The following MYO15A variants were observed in gnomAD, a reference collection of about 807,000 sequenced individuals.
The protein encoded by MYO15A is unconventional myosin-XV.
In MYO15A, 308 loss-of-function variants were observed where a neutral mutation model predicts 394.6. The observed-to-expected ratio is 0.78, with a 90% CI of 0.71 to 0.86. The LOEUF is 0.86. Among genes scored for constraint, MYO15A ranks in the 40% least tolerant of loss-of-function variants. The pLI is 0.00. For synonymous variants in MYO15A, 1,957 were observed against 2,003.8 expected (o/e 0.98, Z 0.62); for missense variants, 4,606 against 4,799.1 (o/e 0.96, Z 1.19).
rs534686571 is a variant in MYO15A at position 18,162,202 on chromosome 17, C to A, written c.9518-383C>A. Reference sequence around the variant, plus strand: ...ACTGGGAGGCCTGGGTGAGGGAGGGCAGCTGGCAGGGTATCCCAGCTGGCA... The same window carrying A: ...ACTGGGAGGCCTGGGTGAGGGAGGGAAGCTGGCAGGGTATCCCAGCTGGCA... On this transcript the variant is annotated intron_variant, in intron 57 of 65. Transcript: ENST00000647165. Among the ~76,000 whole-genome samples, 4 of 152,222 alleles carry A rather than the reference C, an allele frequency of 2.6e-5. No homozygotes were observed. The East Asian group carries it at 7.7e-4, about 29-fold the overall frequency.
At chr17:18,164,647 C>G (rs1567662516) in intron 60 of MYO15A, 1 of 151,912 alleles carries the variant, frequency 6.6e-6, no homozygotes, top group African/African-American at 2.4e-5. Flanking sequence ...TCAGGGCAGC[C>G]TGGCCAACAT....
intron 18 of MYO15A, chr17:18,139,170 G>A: frequency 1.5e-6 from 1 of 650,052 alleles, no homozygotes; most frequent in Non-Finnish European, 2.8e-6. Flanking sequence ...GAAAAATGTA[G>A]GGTGGGTTTG....
In MYO15A at chr17:18,132,084, G is replaced by A. The variant is rs754009958; in HGVS notation, c.4207-369G>A. 6.6e-6 allele frequency among the ~76,000 whole-genome samples: 1 copy of A among 152,154 alleles called. No homozygotes were observed. Among genetic ancestry groups the A allele is most frequent in the Non-Finnish European group, 1.5e-5 (1 of 68,032 alleles). On this transcript the variant is annotated intron_variant, in intron 10 of 65. Transcript: ENST00000647165. The surrounding 1 kb of genome is among the most constrained non-coding windows in gnomAD (Gnocchi z 4.6). ...GTCCCAAGGGCCTAGGACAGGGCTT[G>A]GTGCACAGGAAGTGCTCAGCCATCA... is the stretch of plus-strand genomic sequence containing the variant.
Position 18,140,826 on chromosome 17 carries a change from C to T in MYO15A, c.5400C>T (p.His1800=), listed in dbSNP as rs1398842864. Residue 1800 remains histidine (H), a synonymous_variant, in exon 21 of 66, where the codon CAC becomes CAT. Transcript: ENST00000647165. ...PLFMRCLKPN[H]KKEPGLFEPD... ...TCATGCGTTGCCTGAAGCCCAACCA[C>T]AAGAAGGTGAGTGAGAGCTGAGGCC... The T allele has an allele frequency of 6.2e-7, 1 of 1,614,152 alleles. No homozygotes were observed. Among genetic ancestry groups the T allele is most frequent in the Non-Finnish European group, 8.5e-7 (1 of 1,180,046 alleles).
intron 65 of MYO15A, among the ~76,000 whole-genome samples, chr17:18,174,678 C>A (rs1220922733): frequency 2.0e-5 from 3 of 152,178 alleles, no homozygotes; most frequent in Non-Finnish European, 4.4e-5. Context: ...CCCCTGGGGT[C>A]AGGGCAGGAC....
At chr17:18,126,930 C>T in intron 6 of MYO15A, 65 bp downstream of exon 6, 1 of 1,603,502 alleles carries the variant, frequency 6.2e-7, no homozygotes, top group South Asian at 1.1e-5. Flanking sequence ...TGCATCTGGC[C>T]AGAACTGCTG....
At chr17:18,125,293 C>T (rs761000892) in intron 4 of MYO15A, 62 bp downstream of exon 4, 18 of 1,494,852 alleles carry the variant, frequency 1.2e-5, no homozygotes, top group East Asian at 9.0e-5. Flanking sequence ...CTCCTGGGGC[C>T]GGGTGGGACG....
At position 18,119,076 on chromosome 17, in the gene MYO15A, G is replaced by C. The variant is rs775508030; in HGVS notation, c.276G>C (p.Met92Ile). 1.8e-5 allele frequency: 29 copies of C among 1,612,082 alleles called. No homozygotes were observed. Among genetic ancestry groups the C allele is most frequent in the Non-Finnish European group, 2.4e-5 (28 of 1,179,678 alleles). The part of the protein sequence containing the change: ...STSKLMTQMR[M>I]GKKKRAMKGK... ...CAAAGCTCATGACGCAGATGCGCATGGGCAAGAAGAAGCGGGCGATGAAGG... is the reference window on the plus strand; with the variant it reads ...CAAAGCTCATGACGCAGATGCGCATCGGCAAGAAGAAGCGGGCGATGAAGG... The change falls in exon 2 of 66, where the codon ATG becomes ATC. Residue 92 changes from methionine (M) to isoleucine (I), a missense_variant. Met to Ile is a conservative substitution (Grantham distance 10). Around this residue, in one of 2 missense-constraint regions of MYO15A, gnomAD observed 1,830 missense variants for 1,689.7 expected, o/e 1.08. Transcript: ENST00000647165.
chr17:18,117,407 T>G lies in MYO15A; in HGVS notation c.-219-1175T>G, dbSNP rs1288165023. 6.6e-6 allele frequency among the ~76,000 whole-genome samples: 1 copy of G among 152,260 alleles called. No homozygotes were observed. The highest frequency in any genetic ancestry group is 2.4e-5 in the African/African-American group (1 of 41,474). On this transcript the variant is annotated intron_variant, in intron 1 of 65. Coordinates refer to ENST00000647165, the MANE Select transcript of MYO15A (RefSeq NM_016239.4). The surrounding 1 kb of genome is among the most constrained non-coding windows in gnomAD (Gnocchi z 4.1). The stretch of plus-strand genomic sequence containing the variant: ...CGTTGAGGCTCTGAAGCCACTGATC[T>G]GAGGGCGTGGAGCTGGCAAGTGGCA...
chr17:18,131,178 C>T, intron 8 of MYO15A, 61 bp from the exon 9 acceptor site: 4 of 1,483,428 alleles, frequency 2.7e-6, no homozygotes, highest in Admixed American at 3.4e-5. Context: ...CTATGCCCCC[C>T]ACCCAGGCCC....
intron 28 of MYO15A, 38 bp from the exon 29 acceptor site, chr17:18,144,458 TC>T: frequency 6.4e-7 from 1 of 1,572,174 alleles, no homozygotes. Context: ...TGCCTGTCAG[TC>T]CAGCTCTGTC....
intron 57 of MYO15A, 32 bp downstream of exon 57, chr17:18,161,479 G>A (rs770513118): frequency 1.2e-6 from 2 of 1,611,190 alleles, no homozygotes; most frequent in East Asian, 2.2e-5. Context: ...ACCCAGGGCT[G>A]CATGCTTCTC....
rs1567645121 is a variant in MYO15A, at chr17:18,142,085, C to T, written c.5656C>T (p.Leu1886Phe). Residue 1886 changes from leucine to phenylalanine, a missense_variant, in exon 24 of 66, where the codon CTT becomes TTT. Physicochemically the swap from Leu to Phe is conservative, Grantham distance 22 (BLOSUM62 0). Coordinates refer to ENST00000647165, the MANE Select transcript of MYO15A (RefSeq NM_016239.4). ...MYRVGVSKLFLKEHLYQLLES... is the reference protein window; with the variant it reads ...MYRVGVSKLFFKEHLYQLLES... ...GCCTTCCTCCTGTCCTTAGCTGTTC[C>T]TTAAGGAACACCTATACCAGCTGCT... 1 of 1,612,822 alleles carries T rather than the reference C, an allele frequency of 6.2e-7. No homozygotes were observed. Among genetic ancestry groups the T allele is most frequent in the Non-Finnish European group, 8.5e-7 (1 of 1,180,022 alleles).
intron 62 of MYO15A, 112 bp from the exon 63 acceptor site, chr17:18,171,526 G>A (rs1861739248): frequency 6.7e-7 from 1 of 1,501,208 alleles, no homozygotes. Context: ...CTAGCATTTA[G>A]TCTTCCAGGG....
intron 1 of MYO15A, among the ~76,000 whole-genome samples, chr17:18,114,718 A>G (rs946300170): frequency 1.1e-4 from 16 of 152,082 alleles, no homozygotes; most frequent in South Asian, 2.1e-4. Flanking sequence ...TAGCGGTCCC[A>G]TCTGTCATAG....
intron 40 of MYO15A, 61 bp downstream of exon 40, chr17:18,151,588 G>A: frequency 6.2e-7 from 1 of 1,606,626 alleles, no homozygotes; most frequent in Non-Finnish European, 8.5e-7. Flanking sequence ...TGTCCATCAT[G>A]GCCCACCAGC....
In MYO15A at chr17:18,131,548, C is replaced by CA; in HGVS notation, c.4206+18dup. On this transcript the variant is annotated intron_variant, in intron 10 of 65. Transcript: ENST00000647165. The stretch of plus-strand genomic sequence containing the variant: ...GTGTTTCAGGTGGGCCACCCCCTCC[C>CA]AGGCCTCTGTGTTGGGCAGGGTCGG... 2 of 1,613,870 alleles carry CA rather than the reference C, an allele frequency of 1.2e-6. No homozygotes were observed. The highest frequency in any genetic ancestry group is 1.7e-6 in the Non-Finnish European group (2 of 1,179,858).
At chr17:18,131,660 A>G in intron 10 of MYO15A, 129 bp downstream of exon 10, 1 of 1,159,634 alleles carries the variant, frequency 8.6e-7, no homozygotes, top group South Asian at 1.3e-5. Context: ...GTACATGTGT[A>G]CATGTGAGCC....
intron 54 of MYO15A, 24 bp from the exon 55 acceptor site, chr17:18,159,582 G>C: frequency 1.2e-6 from 2 of 1,612,868 alleles, no homozygotes; most frequent in Non-Finnish European, 1.7e-6. Flanking sequence ...TGGTGGGTCT[G>C]AGTGGGATAG....
Sources: allele counts gnomAD v4.1 joint callset (sites outside exome capture counted in the v4.1 genomes callset), GRCh38; gene constraint gnomAD v4.1.1; regional missense constraint gnomAD v4.1.1; non-coding constraint Gnocchi (gnomAD v3.1); transcripts MANE v1.5; gene names NCBI Gene and HGNC (gene_info 2026-07-23, HGNC 2026-07-21).